Variants in SNTG1 observed in about 807,000 individuals in gnomAD.
SNTG1 encodes gamma-1-syntrophin.
Under a neutral mutation model 74.7 loss-of-function variants are expected in SNTG1, and 39 were observed. The ratio of observed to expected loss-of-function variants is 0.52; its 90% CI spans 0.40 to 0.68. The LOEUF (loss-of-function observed/expected upper bound fraction) is 0.68. SNTG1 is among the 30% of genes least tolerant of loss of function. The probability of loss-of-function intolerance (pLI) is 0.00; values close to 1 mark genes in which losing one functional copy is unlikely to be tolerated. For synonymous variants in SNTG1, 254 were observed against 217.1 expected (o/e 1.17, Z -1.49); for missense variants, 685 against 609.5 (o/e 1.12, Z -1.30).
At chr8:50,433,593 T>C (rs2093267492) in intron 4 of SNTG1, among the ~76,000 whole-genome samples, 1 of 152,032 alleles carries the variant, frequency 6.6e-6, no homozygotes, top group African/African-American at 2.4e-5. Flanking sequence ...CTTGGTCAAG[T>C]TAATTTCACT....
At chr8:50,775,974 ATATAAC>A (rs1458771136) in intron 18 of SNTG1, among the ~76,000 whole-genome samples, 33 of 151,714 alleles carry the variant, frequency 2.2e-4, no homozygotes, top group African/African-American at 7.7e-4. Flanking sequence ...TTTACTTTAA[ATATAAC>A]TATATCATTA....
chr8:50,622,296 GAATA>G (rs1009823236), intron 13 of SNTG1, among the ~76,000 whole-genome samples: 2 of 152,112 alleles, frequency 1.3e-5, no homozygotes, highest in African/African-American at 4.8e-5. Context: ...CTGAATGTAA[GAATA>G]AATAGTGTTC....
intron 2 of SNTG1, among the ~76,000 whole-genome samples, chr8:50,348,925 A>G (rs1268711163): frequency 1.3e-5 from 2 of 152,202 alleles, no homozygotes; most frequent in Non-Finnish European, 1.5e-5. Flanking sequence ...ATACTCATAC[A>G]TGCATATGAT....
chr8:50,778,700 T>G (rs1252626004), intron 18 of SNTG1, among the ~76,000 whole-genome samples: 60 of 145,644 alleles, frequency 4.1e-4, no homozygotes, highest in Non-Finnish European at 1.8e-4. Flanking sequence ...AGAAGCTCTT[T>G]AGTTTAATTA....
intron 2 of SNTG1, among the ~76,000 whole-genome samples, chr8:50,244,570 C>A (rs1041784393): frequency 6.6e-6 from 1 of 152,098 alleles, no homozygotes; most frequent in South Asian, 2.1e-4. Context: ...CTAGGTTGAG[C>A]ATGTTTAATT....
intron 5 of SNTG1, among the ~76,000 whole-genome samples, chr8:50,440,566 G>C (rs1179264284): frequency 6.6e-6 from 1 of 152,164 alleles, no homozygotes; most frequent in African/African-American, 2.4e-5. Flanking sequence ...TAGGCTAGAA[G>C]CAGAATTAGT....
chr8:50,353,045 C>T lies in SNTG1; in HGVS notation c.-27-41167C>T, dbSNP rs149474526. The stretch of plus-strand genomic sequence containing the variant: ...GATAGACTGGATTAAGAAAATGTGG[C>T]ACATATACACCATGGAATACTATGC... On this transcript the variant is annotated intron_variant, in intron 2 of 18. Coordinates refer to ENST00000642720, the MANE Select transcript of SNTG1 (RefSeq NM_018967.5). Among the ~76,000 whole-genome samples the T allele has an allele frequency of 9.3e-3, 1,420 of 152,120 alleles. 10 individuals are homozygous for T. The highest frequency in any genetic ancestry group is 0.031 in the Middle Eastern group (9 of 294).
chr8:50,774,302 A>G (rs1197287026), intron 18 of SNTG1, among the ~76,000 whole-genome samples: 1 of 151,946 alleles, frequency 6.6e-6, no homozygotes, highest in African/African-American at 2.4e-5. Context: ...AACAAAAGAC[A>G]TAAAATTATC....
At chr8:50,761,434 G>T (rs2095598585) in intron 18 of SNTG1, among the ~76,000 whole-genome samples, 1 of 151,838 alleles carries the variant, frequency 6.6e-6, no homozygotes, top group Non-Finnish European at 1.5e-5. Context: ...CACATATGCT[G>T]CTCAGTCACC....
intron 2 of SNTG1, among the ~76,000 whole-genome samples, chr8:50,306,811 A>G (rs1425941053): frequency 6.6e-6 from 1 of 151,914 alleles, no homozygotes; most frequent in East Asian, 1.9e-4. Flanking sequence ...ATAGTTTGCA[A>G]ATATTATCTC....
At chr8:50,537,104 T>C (rs1009667197) in intron 11 of SNTG1, among the ~76,000 whole-genome samples, 1 of 152,140 alleles carries the variant, frequency 6.6e-6, no homozygotes, top group Non-Finnish European at 1.5e-5. Context: ...TCAAGAATAT[T>C]GCATAGTTTA....
Position 50,457,269 on chromosome 8 carries a change from G to C in SNTG1, c.363+6540G>C, listed in dbSNP as rs1394157710. On this transcript the variant is annotated intron_variant, in intron 8 of 18. Coordinates refer to ENST00000642720, the MANE Select transcript of SNTG1 (RefSeq NM_018967.5). ...ATTTGTTAAAGCCCACAGAGCTGCA[G>C]CACACAAAGAGGAACCTCTAATGGG... Among the ~76,000 whole-genome samples, 3 of 152,142 alleles carry C rather than the reference G, an allele frequency of 2.0e-5. No individual in the cohort carries two copies. In the East Asian group the frequency reaches 5.8e-4, roughly 29 times the overall value.
At chr8:50,039,454 CAAAAAAA>C (rs568678808) in intron 1 of SNTG1, among the ~76,000 whole-genome samples, 1 of 46,154 alleles carries the variant, frequency 2.2e-5, no homozygotes, top group Non-Finnish European at 3.8e-5. Context: ...GACTCCGTCT[CAAAAAAA>C]AAAAAAAAAA....
intron 1 of SNTG1, among the ~76,000 whole-genome samples, chr8:50,170,736 G>C (rs1401640033): frequency 6.6e-6 from 1 of 152,186 alleles, no homozygotes; most frequent in East Asian, 1.9e-4. Flanking sequence ...TCTGGAACTT[G>C]GGGGTTCTAC....
At chr8:50,361,013 GTTT>G (rs923239477) in intron 2 of SNTG1, among the ~76,000 whole-genome samples, 1 of 152,100 alleles carries the variant, frequency 6.6e-6, no homozygotes, top group Non-Finnish European at 1.5e-5. Flanking sequence ...ATGATTTGCT[GTTT>G]TTTAACTCTT....
intron 9 of SNTG1, among the ~76,000 whole-genome samples, chr8:50,516,803 C>A (rs1206932251): frequency 6.6e-6 from 1 of 152,104 alleles, no homozygotes; most frequent in Non-Finnish European, 1.5e-5. Context: ...TGTGAAAAGA[C>A]CAAACCTACA....
intron 1 of SNTG1, among the ~76,000 whole-genome samples, chr8:49,972,934 A>G (rs565161361): frequency 6.6e-6 from 1 of 152,168 alleles, no homozygotes; most frequent in Non-Finnish European, 1.5e-5. Flanking sequence ...AACTAATTCA[A>G]CCATTGTGGA....
rs140120147 is a variant in SNTG1 at position 50,477,603 on chromosome 8, T to C, written c.364-25175T>C. Among the ~76,000 whole-genome samples, 254 of 152,142 alleles carry C rather than the reference T, an allele frequency of 1.7e-3. 1 individual carries two copies. Among genetic ancestry groups the C allele is most frequent in the African/African-American group, 5.9e-3 (244 of 41,518 alleles). On this transcript the variant is annotated intron_variant, in intron 8 of 18. Coordinates refer to ENST00000642720, the MANE Select transcript of SNTG1 (RefSeq NM_018967.5). ...GATCCTGGAACTAGAATAAAGACAT[T>C]AGGGGAAAAACTAAGGAAATCTGAA...
chr8:50,698,767 T>A (rs145288909), intron 15 of SNTG1, among the ~76,000 whole-genome samples: 1,648 of 152,144 alleles, frequency 0.011, 12 homozygotes, highest in Non-Finnish European at 0.016. Flanking sequence ...CTTCTTACAG[T>A]CTCCCAGCCA....
Sources: allele counts gnomAD v4.1 joint callset (sites outside exome capture counted in the v4.1 genomes callset), GRCh38; gene constraint gnomAD v4.1.1; transcripts MANE v1.5; gene names NCBI Gene and HGNC (gene_info 2026-07-23, HGNC 2026-07-21).